NRG3: variants seen among roughly 807,000 people sequenced by gnomAD.
NRG3 encodes pro-neuregulin-3, membrane-bound isoform.
A neutral mutation model predicts 66.9 loss-of-function variants in NRG3; 31 were observed. The ratio of observed to expected loss-of-function variants is 0.46; its 90% CI spans 0.35 to 0.63. The LOEUF is 0.63. NRG3 is among the 20% of genes least tolerant of loss of function. The pLI is 0.00. For synonymous variants in NRG3, 393 were observed against 359.4 expected (o/e 1.09, Z -1.06); for missense variants, 910 against 878.9 (o/e 1.04, Z -0.45).
intron 1 of NRG3, among the ~76,000 whole-genome samples, chr10:82,143,942 A>C (rs2070023349): frequency 6.6e-6 from 1 of 151,798 alleles, no homozygotes; most frequent in African/African-American, 2.4e-5. Context: ...AGGTAGGAGA[A>C]TCGCTGGAGC....
At chr10:82,622,876 G>C (rs1320134900) in intron 2 of NRG3, among the ~76,000 whole-genome samples, 1 of 152,162 alleles carries the variant, frequency 6.6e-6, no homozygotes, top group Non-Finnish European at 1.5e-5. Context: ...GAAGTGTTCT[G>C]AGCATGTTTG....
chr10:82,952,471 C>G (rs111236894), intron 5 of NRG3, among the ~76,000 whole-genome samples: 77 of 98,838 alleles, frequency 7.8e-4, no homozygotes, highest in African/African-American at 2.8e-3. Flanking sequence ...CTCTCTCTCT[C>G]TGTGTGTGTG....
intron 2 of NRG3, among the ~76,000 whole-genome samples, chr10:82,648,289 A>C (rs1374102264): frequency 6.6e-6 from 1 of 151,872 alleles, no homozygotes; most frequent in Non-Finnish European, 1.5e-5. Flanking sequence ...TGTTTTTGTC[A>C]GGTTTGTCAA....
At chr10:82,469,171 CATGTT>C (rs902059117) in intron 2 of NRG3, among the ~76,000 whole-genome samples, 4 of 152,170 alleles carry the variant, frequency 2.6e-5, no homozygotes, top group African/African-American at 9.7e-5. Context: ...TGAAAAGACA[CATGTT>C]TATTGCCTCC....
chr10:82,965,639 C>A (rs1190323848), intron 6 of NRG3, among the ~76,000 whole-genome samples: 1 of 151,960 alleles, frequency 6.6e-6, no homozygotes, highest in Non-Finnish European at 1.5e-5. Flanking sequence ...AGGAGGCTGA[C>A]ACATGAGAAT....
chr10:82,376,312 T>C (rs961987335), intron 2 of NRG3, among the ~76,000 whole-genome samples: 10 of 152,212 alleles, frequency 6.6e-5, no homozygotes, highest in African/African-American at 2.2e-4. Context: ...AAGGCATTTG[T>C]CTTTTAAAGC....
chr10:82,356,531 A>C (rs1449504256), intron 1 of NRG3, among the ~76,000 whole-genome samples: 1 of 152,204 alleles, frequency 6.6e-6, no homozygotes, highest in Non-Finnish European at 1.5e-5. Context: ...ACTGTCTTGA[A>C]TAACAGATCT....
At chr10:82,379,334 C>T (rs2085461799) in intron 2 of NRG3, among the ~76,000 whole-genome samples, 1 of 151,950 alleles carries the variant, frequency 6.6e-6, no homozygotes. Flanking sequence ...GGGAAATGAG[C>T]TTCACAGGCC....
chr10:82,461,783 G>A (rs2091527616), intron 2 of NRG3, among the ~76,000 whole-genome samples: 2 of 152,152 alleles, frequency 1.3e-5, no homozygotes, highest in African/African-American at 2.4e-5. Context: ...AGACTCTGAA[G>A]CAGTATTCAA....
At chr10:82,608,264 T>C (rs964477746) in intron 2 of NRG3, among the ~76,000 whole-genome samples, 5 of 152,232 alleles carry the variant, frequency 3.3e-5, no homozygotes, top group Non-Finnish European at 7.3e-5. Context: ...CTGTTGAATG[T>C]AGAAGAGAAA....
chr10:82,286,244 G>C (rs1443486932), intron 1 of NRG3, among the ~76,000 whole-genome samples: 1 of 152,160 alleles, frequency 6.6e-6, no homozygotes, highest in Non-Finnish European at 1.5e-5. Flanking sequence ...CCTGAGTTTG[G>C]GGTAAGTTTT....
intron 1 of NRG3, among the ~76,000 whole-genome samples, chr10:82,052,094 C>T (rs1196326766): frequency 4.0e-5 from 6 of 149,518 alleles, no homozygotes; most frequent in African/African-American, 1.5e-4. Context: ...ACAGGCAGAA[C>T]TGTAATAGTT....
chr10:82,922,064 T>A (rs1334064647), intron 4 of NRG3, among the ~76,000 whole-genome samples: 3 of 152,106 alleles, frequency 2.0e-5, no homozygotes, highest in African/African-American at 7.2e-5. Flanking sequence ...CATTAAAAGA[T>A]AAGCTTTTAT....
intron 2 of NRG3, among the ~76,000 whole-genome samples, chr10:82,475,356 G>A (rs933646190): frequency 2.0e-5 from 3 of 151,944 alleles, no homozygotes; most frequent in Non-Finnish European, 4.4e-5. Flanking sequence ...TAATCTAGGG[G>A]AAATGGCCAA....
At chr10:82,061,447 C>T (rs1274263228) in intron 1 of NRG3, among the ~76,000 whole-genome samples, 1 of 152,148 alleles carries the variant, frequency 6.6e-6, no homozygotes, top group East Asian at 1.9e-4. Context: ...TTATATTGTT[C>T]TTCCAATTCT....
chr10:82,556,420 G>A (rs2044655399), intron 2 of NRG3, among the ~76,000 whole-genome samples: 1 of 152,038 alleles, frequency 6.6e-6, no homozygotes, highest in Admixed American at 6.6e-5. Flanking sequence ...AGTTGCTACT[G>A]GTAAGGACTT....
intron 1 of NRG3, among the ~76,000 whole-genome samples, chr10:82,069,997 AACACC>A (rs2064712589): frequency 2.0e-5 from 3 of 152,212 alleles, no homozygotes; most frequent in Non-Finnish European, 4.4e-5. Flanking sequence ...TATTTGATTA[AACACC>A]ATCTGCAAAA....
intron 2 of NRG3, among the ~76,000 whole-genome samples, chr10:82,550,827 A>G (rs112804313): frequency 1.1e-4 from 16 of 152,114 alleles, no homozygotes; most frequent in African/African-American, 3.9e-4. Flanking sequence ...CTAACATTCT[A>G]TATCAGAAAA....
chr10:82,018,561 C>G (rs2061899928), intron 1 of NRG3, among the ~76,000 whole-genome samples: 1 of 152,156 alleles, frequency 6.6e-6, no homozygotes, highest in South Asian at 2.1e-4. Context: ...TTCTTCCTAT[C>G]CATGAGCATG....
Sources: allele counts gnomAD v4.1 joint callset (sites outside exome capture counted in the v4.1 genomes callset), GRCh38; gene constraint gnomAD v4.1.1; transcripts MANE v1.5; gene names NCBI Gene and HGNC (gene_info 2026-07-23, HGNC 2026-07-21).